CT45A1: variants seen among roughly 807,000 people sequenced by gnomAD.
The protein encoded by CT45A1 is cancer/testis antigen family 45 member A1, also known as cancer/testis antigen 45-1.
intron 1 of CT45A1, among the ~76,000 whole-genome samples, chrX:135,716,464 G>C (rs1556571596): frequency 9.0e-6 from 1 of 111,035 alleles, no homozygotes; most frequent in South Asian, 3.8e-4. Flanking sequence ...TGGGATGTTT[G>C]TTTTTTAGAA....
At chrX:135,717,815 C>A (rs193074249) in intron 1 of CT45A1, among the ~76,000 whole-genome samples, 214 of 111,629 alleles carry the variant, frequency 1.9e-3, no homozygotes, top group African/African-American at 6.5e-3. Flanking sequence ...TGCTTATTAA[C>A]TGTAATGATT....
intron 1 of CT45A1, among the ~76,000 whole-genome samples, chrX:135,717,497 A>C (rs2148035145): frequency 9.0e-6 from 1 of 110,891 alleles, no homozygotes; most frequent in African/African-American, 3.3e-5. Context: ...TGCAGTGAGC[A>C]GAGACTGTGC....
At chrX:135,712,941 C>CTT (rs1453384592), upstream of CT45A1, among the ~76,000 whole-genome samples, 4 of 73,795 alleles carry the variant, frequency 5.4e-5, no homozygotes, top group African/African-American at 2.1e-4. Flanking sequence ...TTCTTTTTTT[C>CTT]TTTCTTTCTT....
At chrX:135,709,419 C>T (rs1556569016), upstream of CT45A1, among the ~76,000 whole-genome samples, 1 of 111,870 alleles carries the variant, frequency 8.9e-6, no homozygotes, top group East Asian at 2.8e-4. Flanking sequence ...TGAGCCACCG[C>T]GCCAGGCCCC....
At chrX:135,717,995 G>C (rs190632603) in intron 1 of CT45A1, among the ~76,000 whole-genome samples, 1 of 111,904 alleles carries the variant, frequency 8.9e-6, no homozygotes, top group East Asian at 2.8e-4. Flanking sequence ...TTCAAACTCA[G>C]GGAGAAAATA....
At chrX:135,712,976 T>TCTTTCTTTCTTC (rs1556570063), upstream of CT45A1, among the ~76,000 whole-genome samples, 1 of 15,949 alleles carries the variant, frequency 6.3e-5, no homozygotes, top group Non-Finnish European at 1.2e-4. Flanking sequence ...TTTCTTTCTT[T>TCTTTCTTTCTTC]TCTTTCTCCT....
At chrX:135,717,973 C>T (rs2088002068) in intron 1 of CT45A1, among the ~76,000 whole-genome samples, 1 of 111,960 alleles carries the variant, frequency 8.9e-6, no homozygotes, top group Non-Finnish European at 1.9e-5. Flanking sequence ...TAGTGGACAT[C>T]TTTGTCTTGT....
At chrX:135,716,726 A>G (rs1340419197) in intron 1 of CT45A1, among the ~76,000 whole-genome samples, 2 of 111,602 alleles carry the variant, frequency 1.8e-5, no homozygotes, top group East Asian at 5.6e-4. Context: ...CATTAAAAAC[A>G]TCTTTGCCTA....
upstream of CT45A1, among the ~76,000 whole-genome samples, chrX:135,712,996 C>CCTTCCTTCCTTCCTTCCTTCCTCTCT (rs1156263810): frequency 1.7e-5 from 1 of 57,608 alleles, no homozygotes; most frequent in Non-Finnish European, 3.2e-5. Flanking sequence ...TTCCTTCCTT[C>CCTTCCTTCCTTCCTTCCTTCCTCTCT]CTCTCTCTCT....
chrX:135,714,890 CT>C (rs1290455076), intron 1 of CT45A1, among the ~76,000 whole-genome samples: 1 of 98,428 alleles, frequency 1.0e-5, no homozygotes, highest in Non-Finnish European at 2.0e-5. Flanking sequence ...TTAACTATGT[CT>C]TTCATGAAGT....
chrX:135,711,732 T>G (rs1382957445), upstream of CT45A1, among the ~76,000 whole-genome samples: 10 of 112,348 alleles, frequency 8.9e-5, no homozygotes, highest in Non-Finnish European at 1.9e-4. Context: ...TGTAATATTT[T>G]TTGCCACTAT....
chrX:135,712,224 C>T (rs782316422), upstream of CT45A1, among the ~76,000 whole-genome samples: 2 of 69,409 alleles, frequency 2.9e-5, no homozygotes, highest in African/African-American at 1.2e-4. Flanking sequence ...CACTTTGTCA[C>T]CCAGGCTATG....
At chrX:135,715,343 AT>A (rs1556571054) in intron 1 of CT45A1, among the ~76,000 whole-genome samples, 1 of 37,226 alleles carries the variant, frequency 2.7e-5, no homozygotes, top group Non-Finnish European at 4.7e-5. Context: ...TTATATATAT[AT>A]AATACTTACA....
At chrX:135,715,389 ACT>A (rs2087975253) in intron 1 of CT45A1, among the ~76,000 whole-genome samples, 789 of 61,048 alleles carry the variant, frequency 0.013, 34 homozygotes, top group Middle Eastern at 0.044. Context: ...TATATATAAT[ACT>A]TATATATATA....
chrX:135,712,488 T>C, upstream of CT45A1, among the ~76,000 whole-genome samples: 1 of 109,081 alleles, frequency 9.2e-6, no homozygotes, highest in Admixed American at 9.8e-5. Context: ...AATTAACAAC[T>C]GTTACCTTTA....
chrX:135,709,011 T>C (rs1474493984), upstream of CT45A1, among the ~76,000 whole-genome samples: 1 of 111,406 alleles, frequency 9.0e-6, no homozygotes, highest in Non-Finnish European at 1.9e-5. Context: ...AGTACATTGC[T>C]GTCCTTTCTA....
chrX:135,713,725 TC>T (rs2087954260), intron 1 of CT45A1, 35 bp downstream of exon 1: 1 of 725,697 alleles, frequency 1.4e-6, no homozygotes, highest in African/African-American at 2.3e-5. Context: ...GGGCAGTTTT[TC>T]CCTGGATGCT....
At chrX:135,709,050 C>T (rs1231452461), upstream of CT45A1, among the ~76,000 whole-genome samples, 17 of 111,357 alleles carry the variant, frequency 1.5e-4, no homozygotes, top group African/African-American at 5.2e-4. Flanking sequence ...TTTATGACAA[C>T]TACTGAAAGT....
At chrX:135,711,487 T>G (rs2087933039), upstream of CT45A1, among the ~76,000 whole-genome samples, 1 of 111,107 alleles carries the variant, frequency 9.0e-6, no homozygotes, top group African/African-American at 3.3e-5. Context: ...CAGGCTGGAG[T>G]GCAGTGGCTC....
Sources: allele counts gnomAD v4.1 joint callset (sites outside exome capture counted in the v4.1 genomes callset), GRCh38; gene constraint gnomAD v4.1.1; transcripts MANE v1.5; gene names NCBI Gene and HGNC (gene_info 2026-07-23, HGNC 2026-07-21).